BCR: variants seen among roughly 807,000 people sequenced by gnomAD.
BCR encodes the protein breakpoint cluster region protein.
Under a neutral mutation model 138.6 loss-of-function variants are expected in BCR, and 58 were observed. The observed-to-expected ratio is 0.42, with a 90% CI of 0.34 to 0.52. BCR has a LOEUF of 0.52. Ranked by LOEUF, BCR falls within the 20% of genes least tolerant of loss-of-function variation. BCR has a pLI of 0.06. For synonymous variants in BCR, 786 were observed against 730.1 expected, an observed-to-expected ratio of 1.08 and a Z score of -1.23; for missense variants, 1,599 against 1,727.2, an observed-to-expected ratio of 0.93 and a Z score of 1.32.
chr22:23,213,882 A>G (rs2146223137), intron 1 of BCR, among the ~76,000 whole-genome samples: 1 of 152,106 alleles, frequency 6.6e-6, no homozygotes, highest in East Asian at 1.9e-4. Flanking sequence ...CAGTACTCCC[A>G]GTTATCATTG....
rs749550980 is a variant in BCR at position 23,181,545 on chromosome 22, G to A, written c.585G>A (p.Glu195=). The change falls in exon 1 of 23, where the codon GAG becomes GAA. Residue 195 remains glutamate (E), a synonymous_variant. Transcript: ENST00000305877. ...GCCTGGTGAAGGTCAACGACAAAGA[G>A]GTGTCGGACCGCATCAGCTCCCTGG... is the stretch of plus-strand genomic sequence containing the variant. ...ERGLVKVNDK[E]VSDRISSLGS... 6 of 1,613,012 alleles carry A rather than the reference G, an allele frequency of 3.7e-6. No homozygotes were observed. Among genetic ancestry groups the A allele is most frequent in the South Asian group, 1.1e-5 (1 of 91,086 alleles).
chr22:23,273,583 C>T (rs1415744861), intron 7 of BCR, 51 bp from the exon 8 acceptor site: 4 of 1,608,552 alleles, frequency 2.5e-6, no homozygotes, highest in Middle Eastern at 1.7e-4. Context: ...CACACAGTGG[C>T]AGGTGCCAGT....
At chr22:23,184,495 A>G (rs1349728751) in intron 1 of BCR, among the ~76,000 whole-genome samples, 1 of 152,158 alleles carries the variant, frequency 6.6e-6, no homozygotes, top group Non-Finnish European at 1.5e-5. Flanking sequence ...TAGAGCTATT[A>G]GGTTCACAGC....
intron 5 of BCR, among the ~76,000 whole-genome samples, chr22:23,269,408 G>A (rs1024600237): frequency 3.9e-5 from 6 of 152,236 alleles, no homozygotes; most frequent in African/African-American, 7.2e-5. Flanking sequence ...TGTGAGAACC[G>A]CAGGGTTAGA....
At chr22:23,287,015 T>C (rs1226073667) in intron 10 of BCR, 144 bp from the exon 11 acceptor site, 1 of 1,400,396 alleles carries the variant, frequency 7.1e-7, no homozygotes, top group East Asian at 2.6e-5. Context: ...AACTGCGGTC[T>C]GGGGCCCTGG....
intron 18 of BCR, among the ~76,000 whole-genome samples, chr22:23,310,649 C>T (rs1046229715): frequency 6.6e-6 from 1 of 152,196 alleles, no homozygotes; most frequent in African/African-American, 2.4e-5. Context: ...AGTAGGCTGG[C>T]TCCAGGAACT....
intron 16 of BCR, among the ~76,000 whole-genome samples, chr22:23,302,170 A>G (rs571559535): frequency 1.1e-4 from 17 of 152,296 alleles, no homozygotes; most frequent in Admixed American, 2.6e-4. Context: ...TTTGAAGAGC[A>G]GGAGCCAAAA....
At chr22:23,281,031 C>A (rs927789968) in intron 8 of BCR, among the ~76,000 whole-genome samples, 2 of 152,346 alleles carry the variant, frequency 1.3e-5, no homozygotes, top group East Asian at 3.9e-4. Context: ...AGGCCACAGG[C>A]CTGTGTGGGG....
chr22:23,187,005 G>A (rs925527171), intron 1 of BCR, among the ~76,000 whole-genome samples: 24 of 152,200 alleles, frequency 1.6e-4, no homozygotes, highest in Admixed American at 1.6e-3. Context: ...CAGAGTGCTG[G>A]GATTATAGGC....
At position 23,315,725 on chromosome 22, in the gene BCR, C is replaced by CA; in HGVS notation, c.*204dup. On this transcript the variant is annotated 3_prime_UTR_variant, in exon 23 of 23. Coordinates refer to ENST00000305877, the MANE Select transcript of BCR (RefSeq NM_004327.4). ...AGGTCTGGGAGCCCCAGGCTGGCCT[C>CA]AGACTGTGGTTTTTTATGTGGCCAC... 1.5e-6 allele frequency: 1 copy of CA among 662,704 alleles called. No homozygotes were observed. Among genetic ancestry groups the CA allele is most frequent in the Admixed American group, 2.1e-5 (1 of 48,182 alleles). The allele number at this position is 662,704 out of a possible 1,614,324, so 41.1% of individuals were successfully genotyped here. A position where few individuals can be genotyped will look rare whatever the true frequency, so the allele number is the denominator to read the frequency against.
intron 1 of BCR, among the ~76,000 whole-genome samples, chr22:23,240,545 G>T (rs1197473664): frequency 6.6e-6 from 1 of 152,018 alleles, no homozygotes; most frequent in East Asian, 1.9e-4. Flanking sequence ...CAGCTAATCG[G>T]GAGGCTGAGG....
intron 8 of BCR, among the ~76,000 whole-genome samples, chr22:23,279,104 C>T (rs952066706): frequency 3.3e-5 from 5 of 152,290 alleles, no homozygotes; most frequent in Admixed American, 2.6e-4. Context: ...TGTTTTACGT[C>T]ATGCTCTTTT....
chr22:23,270,866 G>T (rs569965620), intron 5 of BCR, among the ~76,000 whole-genome samples: 38 of 152,218 alleles, frequency 2.5e-4, no homozygotes, highest in Non-Finnish European at 5.0e-4. Flanking sequence ...TCACTTACAA[G>T]CCCTGCTTTT....
Position 23,273,073 on chromosome 22 carries a change from C to T in BCR, c.1922-8C>T, listed in dbSNP as rs1198784661. 4 of 1,612,292 alleles carry T rather than the reference C, an allele frequency of 2.5e-6. No homozygotes were observed. The African/African-American group carries it at 5.3e-5, about 22-fold the overall frequency. On this transcript the variant is annotated splice_region_variant and splice_polypyrimidine_tract_variant and intron_variant, in intron 6 of 22. Transcript: ENST00000305877. ...GCAACCTCTCTCACCTCCCCTCTCT[C>T]TCCACAGCTCTGCTCTACAAGCCTG...
At position 23,181,048 on chromosome 22, in the gene BCR, G is replaced by A. The variant is rs557214840; in HGVS notation, c.88G>A (p.Asp30Asn). 2 of 1,521,936 alleles carry A rather than the reference G, an allele frequency of 1.3e-6. No individual in the cohort carries two copies. Among genetic ancestry groups the A allele is most frequent in the South Asian group, 1.2e-5 (1 of 81,846 alleles). 94.3% of individuals were successfully genotyped at this position (1,521,936 alleles called of 1,614,324 possible). A position where few individuals can be genotyped will look rare whatever the true frequency, so the allele number is the denominator to read the frequency against. The change falls in exon 1 of 23, where the codon GAC becomes AAC. Residue 30 changes from aspartate (D) to asparagine (N), a missense_variant. Asp to Asn is a conservative substitution (Grantham distance 23). Coordinates refer to ENST00000305877, the MANE Select transcript of BCR (RefSeq NM_004327.4). ...GCGCATGGAGCTGCGCTCAGTGGGC[G>A]ACATCGAGCAGGAGCTGGAGCGCTG... The part of the protein sequence containing the change: ...PPRMELRSVG[D>N]IEQELERCKA...
At chr22:23,201,747 G>A (rs190876406) in intron 1 of BCR, among the ~76,000 whole-genome samples, 3 of 152,250 alleles carry the variant, frequency 2.0e-5, no homozygotes, top group Admixed American at 6.5e-5. Context: ...GAGCCACCGC[G>A]CCCGGCCAAG....
chr22:23,198,370 T>A (rs2072507472), intron 1 of BCR: 1 of 449,734 alleles, frequency 2.2e-6, no homozygotes, highest in African/African-American at 2.1e-5. Context: ...TTATTCCAAG[T>A]AGGGGCTCCA....
intron 1 of BCR, among the ~76,000 whole-genome samples, chr22:23,232,567 T>C (rs2072971173): frequency 2.0e-5 from 3 of 152,112 alleles, no homozygotes; most frequent in Admixed American, 2.0e-4. Context: ...AGCATCTTGG[T>C]GGGGTTCCCC....
In BCR at chr22:23,316,825, C is replaced by T. The variant is rs9612292; in HGVS notation, c.*1303C>T. ...GGCATTCTTTGTAAACCCTCCTGAC[C>T]ACCTGGCTCAAAGAAAACAGAAGCA... is the stretch of plus-strand genomic sequence containing the variant. On this transcript the variant is annotated 3_prime_UTR_variant, in exon 23 of 23. Coordinates refer to ENST00000305877, the MANE Select transcript of BCR (RefSeq NM_004327.4). The T allele has an allele frequency of 0.033, 2,823 of 85,772 alleles. 127 individuals carry two copies. Among genetic ancestry groups the T allele is most frequent in the East Asian group, 0.079 (416 of 5,248 alleles). The allele number at this position is 85,772 out of a possible 1,614,324, so 5.3% of individuals were successfully genotyped here.
Sources: allele counts gnomAD v4.1 joint callset (sites outside exome capture counted in the v4.1 genomes callset), GRCh38; gene constraint gnomAD v4.1.1; transcripts MANE v1.5; gene names NCBI Gene and HGNC (gene_info 2026-07-23, HGNC 2026-07-21).